Variants in CCDC33 observed in about 807,000 individuals in gnomAD.
The protein encoded by CCDC33 is coiled-coil domain-containing protein 33.
A neutral mutation model predicts 91.9 loss-of-function variants in CCDC33; 94 were observed. The observed-to-expected ratio is 1.02, with a 90% CI of 0.87 to 1.21. The LOEUF (loss-of-function observed/expected upper bound fraction) is 1.21. Ranked by LOEUF, CCDC33 falls within the 50% of genes most tolerant of loss-of-function variation. The pLI is 0.00. For synonymous variants in CCDC33, 396 were observed against 374.5 expected (o/e 1.06, Z -0.66); for missense variants, 940 against 935.5 (o/e 1.00, Z -0.06).
rs112155010 is a variant in CCDC33 at position 74,330,353 on chromosome 15, G to T, written c.1455G>T (p.Thr485=). Residue 485 remains threonine, a splice_region_variant and synonymous_variant, in exon 12 of 19, where the codon ACG becomes ACT. Coordinates refer to ENST00000398814, the MANE Select transcript of CCDC33 (RefSeq NM_025055.5). The part of the protein sequence containing the change: ...GQGKASEAQN[T]VSMKQKLLLS... Reference sequence around the variant, plus strand: ...GCAAAGCCAGTGAGGCCCAGAACACGGGTGAGGATGTGCAGGCCACCAAGG... The same window carrying T: ...GCAAAGCCAGTGAGGCCCAGAACACTGGTGAGGATGTGCAGGCCACCAAGG... 6.3e-7 allele frequency: 1 copy of T among 1,588,494 alleles called. No homozygotes were observed. The highest frequency in any genetic ancestry group is 1.1e-5 in the South Asian group (1 of 88,304).
intron 11 of CCDC33, chr15:74,300,675 T>C (rs1204447769): frequency 6.6e-6 from 1 of 152,234 alleles, no homozygotes; most frequent in East Asian, 1.9e-4. Context: ...TTCAGCTTAA[T>C]AGGAAATTGA....
intron 16 of CCDC33, among the ~76,000 whole-genome samples, 198 bp from the exon 17 acceptor site, chr15:74,333,683 C>T (rs1180335358): frequency 6.6e-6 from 1 of 152,218 alleles, no homozygotes; most frequent in Non-Finnish European, 1.5e-5. Context: ...GTGTGGGAAA[C>T]AGCTGTGAAA....
intron 2 of CCDC33, among the ~76,000 whole-genome samples, chr15:74,261,841 C>T (rs987143908): frequency 1.3e-5 from 2 of 152,208 alleles, no homozygotes; most frequent in African/African-American, 4.8e-5. Context: ...GGCCTGGACC[C>T]AGCTCCAGGT....
intron 2 of CCDC33, among the ~76,000 whole-genome samples, chr15:74,221,969 A>G (rs2074611045): frequency 6.6e-6 from 1 of 152,106 alleles, no homozygotes; most frequent in Non-Finnish European, 1.5e-5. Context: ...ATCAGACCAG[A>G]TGAGGGTGGC....
At chr15:74,217,914 G>A (rs1222046861) in intron 1 of CCDC33, among the ~76,000 whole-genome samples, 1 of 152,078 alleles carries the variant, frequency 6.6e-6, no homozygotes, top group African/African-American at 2.4e-5. Context: ...ATTACACCGA[G>A]TAATATTATA....
At chr15:74,291,378 G>GA (rs1399351171) in intron 10 of CCDC33, among the ~76,000 whole-genome samples, 1 of 152,262 alleles carries the variant, frequency 6.6e-6, no homozygotes, top group African/African-American at 2.4e-5. Context: ...TTATCAGGGA[G>GA]AAAATTGCAT....
Position 74,330,664 on chromosome 15 carries a change from G to A in CCDC33, c.1458G>A (p.Val486=), listed in dbSNP as rs2060412445. ...CCAGCTCCCCAACCCACCTAACAGT[G>A]TCCATGAAGCAGAAACTGCTGCTGA... ...QGKASEAQNT[V]SMKQKLLLSE... The change falls in exon 13 of 19, where the codon GTG becomes GTA. Residue 486 remains valine, a splice_region_variant and synonymous_variant. Transcript: ENST00000398814. 1.9e-6 allele frequency: 3 copies of A among 1,612,704 alleles called. No individual in the cohort carries two copies. The highest frequency in any genetic ancestry group is 2.7e-5 in the African/African-American group (2 of 74,874).
At chr15:74,325,382 C>T (rs1374321328) in intron 11 of CCDC33, among the ~76,000 whole-genome samples, 1 of 152,128 alleles carries the variant, frequency 6.6e-6, no homozygotes, top group Non-Finnish European at 1.5e-5. Flanking sequence ...GAGCCCTCTC[C>T]CCTACCCCGG....
intron 10 of CCDC33, among the ~76,000 whole-genome samples, chr15:74,289,860 G>A (rs1219398413): frequency 6.6e-6 from 1 of 152,234 alleles, no homozygotes; most frequent in Admixed American, 6.5e-5. Context: ...ACAACTCCCA[G>A]CTGCAGATGG....
At chr15:74,211,161 A>G (rs868134435) in intron 2 of CCDC33, among the ~76,000 whole-genome samples, 7 of 113,308 alleles carry the variant, frequency 6.2e-5, no homozygotes, top group East Asian at 2.0e-4. Context: ...ACGCACACAC[A>G]CACACACACA....
At chr15:74,322,624 G>A (rs2142829257) in intron 11 of CCDC33, among the ~76,000 whole-genome samples, 1 of 152,334 alleles carries the variant, frequency 6.6e-6, no homozygotes, top group Non-Finnish European at 1.5e-5. Flanking sequence ...TGGACCACCT[G>A]GAGGAAGGAC....
intron 3 of CCDC33, among the ~76,000 whole-genome samples, chr15:74,262,909 T>C (rs542957866): frequency 9.2e-5 from 14 of 152,262 alleles, no homozygotes; most frequent in African/African-American, 3.4e-4. Context: ...ACATCACTCA[T>C]TGGAGTCACC....
chr15:74,206,590 T>G (rs1384815252), intron 1 of CCDC33, among the ~76,000 whole-genome samples: 2 of 152,108 alleles, frequency 1.3e-5, no homozygotes, highest in African/African-American at 2.4e-5. Flanking sequence ...AGCCCTGCCC[T>G]CAGGAGAGCA....
chr15:74,242,750 C>T (rs1393212605), intron 1 of CCDC33, among the ~76,000 whole-genome samples: 2 of 152,012 alleles, frequency 1.3e-5, no homozygotes, highest in Non-Finnish European at 2.9e-5. Flanking sequence ...CAAGGACACC[C>T]CTGAGCCACA....
At chr15:74,272,947 TTCAC>T in intron 7 of CCDC33, 56 bp downstream of exon 7, 2 of 1,603,380 alleles carry the variant, frequency 1.2e-6, no homozygotes, top group East Asian at 2.2e-5. Flanking sequence ...ACATTCACTG[TTCAC>T]TCACTCAGTG....
intron 11 of CCDC33, among the ~76,000 whole-genome samples, chr15:74,312,423 A>C (rs745801803): frequency 6.6e-6 from 1 of 152,152 alleles, no homozygotes. Context: ...TTCTGAAGAC[A>C]TGGCTGGGAG....
At chr15:74,209,573 C>G in intron 2 of CCDC33, 3 of 764,492 alleles carry the variant, frequency 3.9e-6, no homozygotes, top group Middle Eastern at 3.1e-4. Context: ...AAGGCCCCCT[C>G]GGAGCTTTCT....
intron 10 of CCDC33, among the ~76,000 whole-genome samples, chr15:74,288,917 C>G (rs184788286): frequency 1.3e-5 from 2 of 152,316 alleles, no homozygotes; most frequent in African/African-American, 4.8e-5. Flanking sequence ...CCCTACCAGC[C>G]AGGAACATAG....
At position 74,225,657 on chromosome 15, in the gene CCDC33, C is replaced by T. The variant is rs775864412; in HGVS notation, c.675+6796C>T. ...CTCCTGCGTCTCCCTGGTTCCATCT[C>T]TGTACAACAACCCCAAGTGCAGCAC... is the stretch of plus-strand genomic sequence containing the variant. On this transcript the variant is annotated intron_variant, in intron 2 of 2. Coordinates refer to the CCDC33 transcript ENST00000635913. Among the ~76,000 whole-genome samples the T allele has an allele frequency of 6.2e-4, 94 of 152,140 alleles. 1 individual carries two copies. Among genetic ancestry groups the T allele is most frequent in the Non-Finnish European group, 2.8e-4 (19 of 68,026 alleles).
Sources: allele counts gnomAD v4.1 joint callset (sites outside exome capture counted in the v4.1 genomes callset), GRCh38; gene constraint gnomAD v4.1.1; transcripts MANE v1.5; gene names NCBI Gene and HGNC (gene_info 2026-07-23, HGNC 2026-07-21).